The following BCAN variants were observed in gnomAD, a reference collection of about 807,000 sequenced individuals.
The protein encoded by BCAN is brevican core protein.
In BCAN, 51 loss-of-function variants were observed where a neutral mutation model predicts 92.4. The ratio of observed to expected loss-of-function variants is 0.55; its 90% CI spans 0.44 to 0.70. The LOEUF is 0.70. Among genes scored for constraint, BCAN ranks in the 30% least tolerant of loss-of-function variants. BCAN has a pLI of 0.00. For synonymous variants in BCAN, 501 were observed against 505.2 expected, an observed-to-expected ratio of 0.99 and a Z score of 0.11; for missense variants, 1,140 against 1,212.1, an observed-to-expected ratio of 0.94 and a Z score of 0.88.
Position 156,647,362 on chromosome 1 carries a change from C to T in BCAN, c.467-146C>T, listed in dbSNP as rs1165021242. ...TCTCTTCAGGTGGAGGACATTCTAC[C>T]CACAATCTAACTTAAGTCCCTCATG... is the stretch of plus-strand genomic sequence containing the variant. On this transcript the variant is annotated intron_variant, in intron 3 of 13. Coordinates refer to ENST00000329117, the MANE Select transcript of BCAN (RefSeq NM_021948.5). This position sits in a 1 kb window ranked among gnomAD's most constrained non-coding sequence, Gnocchi z 4.8. 1.5e-5 allele frequency: 17 copies of T among 1,111,580 alleles called. No homozygotes were observed. Among genetic ancestry groups the T allele is most frequent in the Admixed American group, 3.0e-5 (1 of 33,858 alleles). 68.9% of individuals were successfully genotyped at this position (1,111,580 alleles called of 1,614,324 possible). A position where few individuals can be genotyped will look rare whatever the true frequency, so the allele number is the denominator to read the frequency against.
At chr1:156,654,632 G>A (rs1315738566) in intron 8 of BCAN, among the ~76,000 whole-genome samples, 1 of 152,240 alleles carries the variant, frequency 6.6e-6, no homozygotes, top group African/African-American at 2.4e-5. Context: ...GGGGCCTATG[G>A]CTTGGGTAGG....
chr1:156,652,862 C>T lies in BCAN; in HGVS notation c.1912C>T (p.Arg638Ter), dbSNP rs769390629. ...QPVLPTDSAS[R>*]GGVAVVPASG... ...AGTGCTGCCCACTGACAGCGCCAGC[C>T]GAGGTGGAGTGGCCGTGGTCCCCGC... The change falls in exon 8 of 14, where the codon CGA becomes TGA. Residue 638 changes from arginine to a stop codon, truncating the protein, a stop_gained. Coordinates refer to ENST00000329117, the MANE Select transcript of BCAN (RefSeq NM_021948.5). LOFTEE classifies it high-confidence loss of function. 10 of 1,613,708 alleles carry T rather than the reference C, an allele frequency of 6.2e-6. No homozygotes were observed. Among genetic ancestry groups the T allele is most frequent in the Non-Finnish European group, 8.5e-6 (10 of 1,180,004 alleles).
rs62001922 is a variant in BCAN, at chr1:156,652,733, C to A, written c.1783C>A (p.Leu595Ile). 22,609 of 1,604,316 alleles carry A rather than the reference C, an allele frequency of 0.014. 208 individuals are homozygous for A. The highest frequency in any genetic ancestry group is 0.017 in the Non-Finnish European group (20,481 of 1,173,612). ...TGSSEGAPSLLPATRAPEGTR... is the reference protein window; with the variant it reads ...TGSSEGAPSLIPATRAPEGTR... ...AAGCTCCGAGGGTGCCCCTTCCCTGCTTCCAGCCACACGGGCCCCTGAGGG... is the reference window on the plus strand; with the variant it reads ...AAGCTCCGAGGGTGCCCCTTCCCTGATTCCAGCCACACGGGCCCCTGAGGG... Residue 595 changes from leucine (L) to isoleucine (I), a missense_variant, in exon 8 of 14, where the codon CTT becomes ATT. Leu to Ile is a conservative substitution (Grantham distance 5, BLOSUM62 2). This residue lies in a region of BCAN where 825 missense variants were observed against 871.8 expected (regional missense o/e 0.95). Coordinates refer to ENST00000329117, the MANE Select transcript of BCAN (RefSeq NM_021948.5).
In BCAN at chr1:156,642,909, TAGG is replaced by T. The variant is rs1678837945; in HGVS notation, c.-9+637_-9+639del. ...GTTGAGGTTATCCACAGGAAGCATT[TAGG>T]AGAACTGGCTCAGGTAGACATCAGT... is the stretch of plus-strand genomic sequence containing the variant. On this transcript the variant is annotated intron_variant, in intron 1 of 13. Transcript: ENST00000329117. This position sits in a 1 kb window ranked among gnomAD's most constrained non-coding sequence, Gnocchi z 4.2. The T allele has an allele frequency of 6.6e-6, 1 of 152,206 alleles. No homozygotes were observed. The highest frequency in any genetic ancestry group is 6.5e-5 in the Admixed American group (1 of 15,278). 9.4% of individuals were successfully genotyped at this position (152,206 alleles called of 1,614,324 possible).
chr1:156,652,423 T>C lies in BCAN; in HGVS notation c.1473T>C (p.Pro491=). ...CCAGCGAGCTCAGCAGCCCGGGCCC[T>C]GAGGCCTCTCTCCCCACTGAGCCAG... ...AWPSELSSPG[P]EASLPTEPAA... The change falls in exon 8 of 14, where the codon CCT becomes CCC. Residue 491 remains proline, a synonymous_variant. Coordinates refer to ENST00000329117, the MANE Select transcript of BCAN (RefSeq NM_021948.5). 1 of 1,604,930 alleles carries C rather than the reference T, an allele frequency of 6.2e-7. No individual in the cohort carries two copies. Among genetic ancestry groups the C allele is most frequent in the Non-Finnish European group, 8.5e-7 (1 of 1,175,404 alleles).
chr1:156,656,367 T>TG lies in BCAN; in HGVS notation c.2035dup (p.Asp679GlyfsTer89), dbSNP rs751434404. 2.4e-5 allele frequency: 33 copies of TG among 1,386,112 alleles called. No individual in the cohort carries two copies. The highest frequency in any genetic ancestry group is 6.5e-5 in the South Asian group (3 of 46,492). The allele number at this position is 1,386,112 out of a possible 1,614,324, so 85.9% of individuals were successfully genotyped here. ...TCCGCTGCCTATGTCTGCCTGGCTA[T>TG]GGGGGGGACCTGTGCGATGTTGGTG... On this transcript the variant is annotated frameshift_variant, in exon 9 of 14. Transcript: ENST00000329117. LOFTEE classifies it high-confidence loss of function.
rs1357936671 is a variant in BCAN at position 156,657,690 on chromosome 1, A to T, written c.2225A>T (p.Tyr742Phe). Reference sequence around the variant, plus strand: ...GTCTCCCTAGACCGGTACCGGGAGTACCAGTGGATCGGACTCAACGACAGG... The same window carrying T: ...GTCTCCCTAGACCGGTACCGGGAGTTCCAGTGGATCGGACTCAACGACAGG... ...QDFINNRYRE[Y>F]QWIGLNDRTI... is the part of the protein sequence containing the mutation. The change falls in exon 11 of 14, where the codon TAC (tyrosine) becomes TTC (phenylalanine). Residue 742 changes from tyrosine to phenylalanine, a missense_variant. Transcript: ENST00000329117. The T allele has an allele frequency of 6.2e-7, 1 of 1,611,284 alleles. No individual in the cohort carries two copies. Among genetic ancestry groups the T allele is most frequent in the East Asian group, 2.2e-5 (1 of 44,818 alleles).
rs576666805 is a variant in BCAN, at chr1:156,656,539, C to T, written c.2050+150C>T. The T allele has an allele frequency of 1.3e-4, 75 of 583,628 alleles. 2 individuals are homozygous for T. In the South Asian group the frequency reaches 2.6e-3, roughly 21 times the overall value. The allele number at this position is 583,628 out of a possible 1,614,324, so 36.2% of individuals were successfully genotyped here. A position where few individuals can be genotyped will look rare whatever the true frequency, so the allele number is the denominator to read the frequency against. On this transcript the variant is annotated intron_variant, in intron 9 of 13. Coordinates refer to ENST00000329117, the MANE Select transcript of BCAN (RefSeq NM_021948.5). The stretch of plus-strand genomic sequence containing the variant: ...TTGCATAACTTCTTTGAGTCCTACC[C>T]TCAATTTTCTTATCTAAGTGAAACC...
rs530945676 is a variant in BCAN, at chr1:156,653,146, A to G, written c.1942+254A>G. 5.0e-6 allele frequency: 7 copies of G among 1,399,932 alleles called. No homozygotes were observed. In the East Asian group the frequency reaches 1.6e-4, roughly 32 times the overall value. The allele number at this position is 1,399,932 out of a possible 1,614,324, so 86.7% of individuals were successfully genotyped here. On this transcript the variant is annotated intron_variant, in intron 8 of 13. Transcript: ENST00000329117. ...TGACCATCTGTGACCCTTCCCTGCC[A>G]TTGGGCCCTCCACCTGTGGCTCACA...
Position 156,647,109 on chromosome 1 carries a change from A to G in BCAN, c.400A>G (p.Ile134Val), listed in dbSNP as rs766943059. ...CGAGCTGCGCCCCAACGACTCAGGT[A>G]TCTATCGCTGTGAGGTCCAGCACGG... ...LSELRPNDSG[I>V]YRCEVQHGID... is the part of the protein sequence containing the mutation. Residue 134 changes from isoleucine (I) to valine (V), a missense_variant, in exon 3 of 14, where the codon ATC (isoleucine) becomes GTC (valine). Transcript: ENST00000329117. The surrounding 1 kb of genome is among the most constrained non-coding windows in gnomAD (Gnocchi z 4.8). 1.3e-5 allele frequency: 21 copies of G among 1,599,216 alleles called. No individual in the cohort carries two copies. Among genetic ancestry groups the G allele is most frequent in the South Asian group, 4.4e-5 (4 of 90,476 alleles).
chr1:156,651,484 GGCCTCCAACCCA>G lies in BCAN; in HGVS notation c.1110_1121del (p.Asn371_Ser374del), dbSNP rs752328093. The G allele has an allele frequency of 1.2e-4, 196 of 1,613,946 alleles. 1 individual carries two copies. In the Middle Eastern group the frequency reaches 1.7e-3, roughly 14 times the overall value. ...CGGCCCAGCCTTCTGCCATCCCTGA[GGCCTCCAACCCA>G]GCCTCCAACCCAGCCTCTGATGGAC... On this transcript the variant is annotated inframe_deletion, in exon 7 of 14. Transcript: ENST00000329117.
chr1:156,659,065 T>A lies in BCAN; in HGVS notation c.2667T>A (p.Arg889=). ...ALHPEEDPEG[R]QGRLLGRWKA... ...ACCCAGAGGAGGACCCAGAAGGACG[T>A]CAGGGGAGGCTACTGGGACGCTGGA... is the stretch of plus-strand genomic sequence containing the variant. Residue 889 remains arginine (R), a synonymous_variant, in exon 14 of 14, where the codon CGT becomes CGA. Transcript: ENST00000329117. The A allele has an allele frequency of 6.2e-7, 1 of 1,601,924 alleles. No homozygotes were observed. Among genetic ancestry groups the A allele is most frequent in the Non-Finnish European group, 8.5e-7 (1 of 1,175,696 alleles).
chr1:156,657,546 G>A (rs1679376080), intron 10 of BCAN, 129 bp from the exon 11 acceptor site: 1 of 691,864 alleles, frequency 1.4e-6, no homozygotes, highest in Non-Finnish European at 2.4e-6. Flanking sequence ...TGGGGTAGAA[G>A]AACCCGACAA....
At chr1:156,646,226 G>A in intron 2 of BCAN, 81 bp downstream of exon 2, 2 of 1,369,452 alleles carry the variant, frequency 1.5e-6, no homozygotes, top group Non-Finnish European at 2.0e-6. Context: ...GCCCCAGGAA[G>A]AGAGAGAATT....
rs1679453525 is a variant in BCAN at position 156,659,330 on chromosome 1, C to T, written c.*196C>T. On this transcript the variant is annotated 3_prime_UTR_variant, in exon 14 of 14. Transcript: ENST00000329117. ...CCAGCCCAGGCCCTCTCCCCCTACC[C>T]TGGGCACCAGATCTTCCATCAGGGC... 9.0e-6 allele frequency: 5 copies of T among 555,538 alleles called. No individual in the cohort carries two copies. In the South Asian group the frequency reaches 1.0e-4, roughly 11 times the overall value. The allele number at this position is 555,538 out of a possible 1,614,324, so 34.4% of individuals were successfully genotyped here.
At position 156,657,012 on chromosome 1, in the gene BCAN, T is replaced by C. The variant is rs1679355684; in HGVS notation, c.2125T>C (p.Trp709Arg). ...CYKHFSTRRS[W>R]EEAETQCRMY... ...CAAGCACTTTTCCACACGAAGGAGC[T>C]GGGAGGAGGCAGAGACCCAGTGCCG... is the stretch of plus-strand genomic sequence containing the variant. Residue 709 changes from tryptophan to arginine, a missense_variant, in exon 10 of 14, where the codon TGG becomes CGG. By Grantham distance (101) the Trp-to-Arg change is moderately radical. Coordinates refer to ENST00000329117, the MANE Select transcript of BCAN (RefSeq NM_021948.5). 6.2e-7 allele frequency: 1 copy of C among 1,613,974 alleles called. No individual in the cohort carries two copies. Among genetic ancestry groups the C allele is most frequent in the African/African-American group, 1.3e-5 (1 of 74,898 alleles).
Position 156,648,730 on chromosome 1 carries a change from T to A in BCAN, c.932T>A (p.Val311Glu). Reference sequence around the variant, plus strand: ...CCAGGGTGGCTAGCTGATGGCAGTGTGCGCTACCCCATCGTCACACCCAGC... The same window carrying A: ...CCAGGGTGGCTAGCTGATGGCAGTGAGCGCTACCCCATCGTCACACCCAGC... ...CSPGWLADGS[V>E]RYPIVTPSQR... Residue 311 changes from valine to glutamate, a missense_variant, in exon 6 of 14, where the codon GTG (valine) becomes GAG (glutamate). Around this residue, in one of 3 missense-constraint regions of BCAN, gnomAD observed 825 missense variants for 871.8 expected, o/e 0.95. Coordinates refer to ENST00000329117, the MANE Select transcript of BCAN (RefSeq NM_021948.5). The A allele has an allele frequency of 1.2e-6, 2 of 1,613,346 alleles. No homozygotes were observed. The highest frequency in any genetic ancestry group is 1.7e-6 in the Non-Finnish European group (2 of 1,179,332).
intron 1 of BCAN, chr1:156,644,257 A>C (rs374492841): frequency 5.9e-5 from 9 of 152,386 alleles, no homozygotes; most frequent in African/African-American, 2.2e-4. Context: ...TGTTGGCCCC[A>C]AAATGACTCC....
intron 2 of BCAN, chr1:156,646,500 T>TG: frequency 1.9e-6 from 1 of 515,256 alleles, no homozygotes; most frequent in East Asian, 3.2e-5. Context: ...TGGAGGACCC[T>TG]GGGGTGTGGT....
Sources: allele counts gnomAD v4.1 joint callset (sites outside exome capture counted in the v4.1 genomes callset), GRCh38; gene constraint gnomAD v4.1.1; regional missense constraint gnomAD v4.1.1; non-coding constraint Gnocchi (gnomAD v3.1); transcripts MANE v1.5; gene names NCBI Gene and HGNC (gene_info 2026-07-23, HGNC 2026-07-21).